KCNIP1: variants seen among roughly 807,000 people sequenced by gnomAD.
KCNIP1 encodes the protein potassium voltage-gated channel interacting protein 1.
KCNIP1 carries 18 observed loss-of-function variants against 33.0 expected under a neutral mutation model. The ratio of observed to expected loss-of-function variants is 0.55; its 90% CI spans 0.38 to 0.81. The LOEUF is 0.81. KCNIP1 is among the 30% of genes least tolerant of loss of function. The pLI is 0.00. For missense variants in KCNIP1, 238 were observed against 271.6 expected, an observed-to-expected ratio of 0.88 and a Z score of 0.87; for synonymous variants, 93 against 98.3, an observed-to-expected ratio of 0.95 and a Z score of 0.32.
At chr5:170,420,605 CTA>C (rs1755461265) in intron 1 of KCNIP1, 1 of 151,854 alleles carries the variant, frequency 6.6e-6, no homozygotes, top group Non-Finnish European at 1.5e-5. Context: ...AATCAACTGT[CTA>C]TGTTATGGGT....
chr5:170,572,541 T>G (rs1272321427), intron 1 of KCNIP1, among the ~76,000 whole-genome samples: 1 of 152,182 alleles, frequency 6.6e-6, no homozygotes, highest in African/African-American at 2.4e-5. Context: ...AAGGCATACG[T>G]GGTGTGCAGA....
chr5:170,708,363 G>T lies in KCNIP1; in HGVS notation c.62-10395G>T, dbSNP rs552219127. On this transcript the variant is annotated intron_variant, in intron 1 of 7. Transcript: ENST00000328939. ...TAGTCAATATAGTTCAGGCAACATT[G>T]AAAATGAACCACTGCAAATACTAGG... Among the ~76,000 whole-genome samples the T allele has an allele frequency of 2.0e-5, 3 of 152,306 alleles. No homozygotes were observed. The South Asian group carries it at 6.2e-4, about 32-fold the overall frequency.
intron 1 of KCNIP1, among the ~76,000 whole-genome samples, chr5:170,585,031 A>G (rs1757936631): frequency 6.6e-6 from 1 of 152,204 alleles, no homozygotes; most frequent in South Asian, 2.1e-4. Context: ...AGTAGACACT[A>G]CTAGTACCTA....
chr5:170,515,085 C>T (rs1308422938), intron 1 of KCNIP1, among the ~76,000 whole-genome samples: 2 of 152,146 alleles, frequency 1.3e-5, no homozygotes, highest in African/African-American at 2.4e-5. Context: ...CCAAGTGCCC[C>T]GATGCCTGGT....
At chr5:170,694,439 C>T (rs1445108986) in intron 1 of KCNIP1, among the ~76,000 whole-genome samples, 2 of 152,026 alleles carry the variant, frequency 1.3e-5, no homozygotes, top group African/African-American at 2.4e-5. Context: ...AGCATCAGGA[C>T]CCCCTTCTGT....
intron 1 of KCNIP1, among the ~76,000 whole-genome samples, chr5:170,700,266 G>A (rs963445138): frequency 3.9e-5 from 6 of 151,962 alleles, no homozygotes; most frequent in Admixed American, 2.6e-4. Context: ...GAAGCCTTGC[G>A]GTTATGTTTA....
chr5:170,385,518 G>T, intron 1 of KCNIP1: 1 of 1,556,914 alleles, frequency 6.4e-7, no homozygotes, highest in Non-Finnish European at 8.8e-7. Flanking sequence ...CAGTTCACAG[G>T]TGATCCACAG....
chr5:170,431,579 C>G (rs1755741039), intron 1 of KCNIP1, among the ~76,000 whole-genome samples: 1 of 152,222 alleles, frequency 6.6e-6, no homozygotes, highest in Admixed American at 6.5e-5. Context: ...AAGCTGTCAC[C>G]TGGTGGGAAA....
At chr5:170,443,816 C>A (rs1296691220) in intron 1 of KCNIP1, among the ~76,000 whole-genome samples, 1 of 152,164 alleles carries the variant, frequency 6.6e-6, no homozygotes, top group African/African-American at 2.4e-5. Flanking sequence ...GCTTGGGCAG[C>A]AGGCGGGGGG....
intron 1 of KCNIP1, among the ~76,000 whole-genome samples, chr5:170,709,662 A>C (rs910807709): frequency 1.3e-5 from 2 of 151,950 alleles, no homozygotes; most frequent in Admixed American, 6.6e-5. Context: ...CTTTGTGTTT[A>C]TCTTGCTTGG....
At chr5:170,375,272 C>A (rs796352266) in intron 1 of KCNIP1, 66 of 152,318 alleles carry the variant, frequency 4.3e-4, no homozygotes, top group African/African-American at 1.5e-3. Flanking sequence ...TTAAAAGACT[C>A]ACATGAGGAC....
intron 3 of KCNIP1, among the ~76,000 whole-genome samples, chr5:170,720,941 G>A (rs1221585237): frequency 6.6e-6 from 1 of 151,990 alleles, no homozygotes; most frequent in African/African-American, 2.4e-5. Context: ...CAGTTTACAA[G>A]TGTGCCAGGC....
intron 1 of KCNIP1, among the ~76,000 whole-genome samples, chr5:170,394,359 G>T (rs1410062934): frequency 6.6e-6 from 1 of 152,096 alleles, no homozygotes; most frequent in East Asian, 1.9e-4. Flanking sequence ...CTAACCCAAG[G>T]GTAAGCTCTC....
At position 170,366,010 on chromosome 5, in the gene KCNIP1, G is replaced by C. The variant is rs907762368; in HGVS notation, c.88+12046G>C. On this transcript the variant is annotated intron_variant, in intron 1 of 7. Coordinates refer to the KCNIP1 transcript ENST00000377360. ...AGGGACCTCCCATGTCTTGGGAAACGGCTGAGTGACTGAAATCACCCACGT... is the reference window on the plus strand; with the variant it reads ...AGGGACCTCCCATGTCTTGGGAAACCGCTGAGTGACTGAAATCACCCACGT... 2.0e-5 allele frequency among the ~76,000 whole-genome samples: 3 copies of C among 152,306 alleles called. No homozygotes were observed. The East Asian group carries it at 5.8e-4, about 29-fold the overall frequency.
chr5:170,450,319 G>A (rs754587515), intron 1 of KCNIP1, among the ~76,000 whole-genome samples: 1 of 152,118 alleles, frequency 6.6e-6, no homozygotes, highest in Non-Finnish European at 1.5e-5. Context: ...CAAAAAATCT[G>A]TGTCTGCATA....
At chr5:170,730,229 C>A (rs1581555898) in intron 5 of KCNIP1, among the ~76,000 whole-genome samples, 4 of 151,960 alleles carry the variant, frequency 2.6e-5, no homozygotes. Flanking sequence ...GAAAAAAATA[C>A]AGAAATAGGA....
chr5:170,712,247 T>A (rs1763474375), intron 1 of KCNIP1, among the ~76,000 whole-genome samples: 1 of 152,228 alleles, frequency 6.6e-6, no homozygotes, highest in East Asian at 1.9e-4. Context: ...CTTCTGCAAC[T>A]ACCCTTTTCT....
intron 1 of KCNIP1, among the ~76,000 whole-genome samples, chr5:170,575,689 C>T (rs906168524): frequency 1.3e-5 from 2 of 152,140 alleles, no homozygotes; most frequent in South Asian, 4.2e-4. Flanking sequence ...CTTTGTACCC[C>T]CTCAGCCCAC....
upstream of KCNIP1, among the ~76,000 whole-genome samples, chr5:170,501,512 G>C (rs1297943948): frequency 3.9e-5 from 6 of 152,236 alleles, no homozygotes; most frequent in Non-Finnish European, 8.8e-5. Context: ...TTCAGAGGCA[G>C]CCAATTGCAA....
Sources: gnomAD v4.1 joint callset for allele counts (sites outside exome capture counted in the v4.1 genomes callset) on GRCh38, gnomAD v4.1.1 for gene constraint, MANE v1.5 for transcripts, NCBI Gene and HGNC (gene_info 2026-07-23, HGNC 2026-07-21) for gene names.